The following NBEA variants were observed in gnomAD, a reference collection of about 807,000 sequenced individuals.
The protein encoded by NBEA is neurobeachin, also known as lysosomal-trafficking regulator 2.
In NBEA, 44 loss-of-function variants were observed where a neutral mutation model predicts 343.4. The observed-to-expected ratio is 0.13, with a 90% CI of 0.10 to 0.16. NBEA has a LOEUF of 0.16. NBEA is among the 10% of genes least tolerant of loss of function. The probability of loss-of-function intolerance (pLI) is 1.00; values close to 1 mark genes in which losing one functional copy is unlikely to be tolerated. For synonymous variants in NBEA, 1,175 were observed against 1,238.7 expected (o/e 0.95, Z 1.08); for missense variants, 2,555 against 3,631.3 (o/e 0.70, Z 7.62).
In NBEA at chr13:35,445,213, G is replaced by A. The variant is rs376875032; in HGVS notation, c.6305-6879G>A. The stretch of plus-strand genomic sequence containing the variant: ...GCCAGCTTTTTTTCCCCCTCTTTAC[G>A]TAAATCTTATGCAACACTATTATAA... On this transcript the variant is annotated intron_variant, in intron 39 of 58. Transcript: ENST00000379939. 2.2e-4 allele frequency among the ~76,000 whole-genome samples: 34 copies of A among 151,918 alleles called. No individual in the cohort carries two copies. The East Asian group carries it at 4.5e-3, about 20-fold the overall frequency.
At chr13:35,031,178 C>T (rs557080622) in intron 1 of NBEA, among the ~76,000 whole-genome samples, 3 of 151,706 alleles carry the variant, frequency 2.0e-5, no homozygotes, top group African/African-American at 7.2e-5. Flanking sequence ...AATAAGTGTC[C>T]GTATTGTTGA....
At chr13:35,105,161 A>G (rs1467454011) in intron 11 of NBEA, among the ~76,000 whole-genome samples, 1 of 152,152 alleles carries the variant, frequency 6.6e-6, no homozygotes, top group Admixed American at 6.6e-5. Flanking sequence ...AGAAAGGAGT[A>G]TAGTGTAAGT....
At chr13:35,149,826 T>A (rs2068661452) in intron 18 of NBEA, among the ~76,000 whole-genome samples, 1 of 152,202 alleles carries the variant, frequency 6.6e-6, no homozygotes, top group African/African-American at 2.4e-5. Flanking sequence ...GAAAAACCAT[T>A]GTGTAGTACT....
intron 1 of NBEA, among the ~76,000 whole-genome samples, chr13:35,022,858 G>T (rs2061894978): frequency 6.6e-6 from 1 of 152,108 alleles, no homozygotes; most frequent in African/African-American, 2.4e-5. Flanking sequence ...CTCAGCATGT[G>T]ATAAATGTTC....
intron 38 of NBEA, among the ~76,000 whole-genome samples, chr13:35,358,231 C>T (rs1341786216): frequency 6.8e-6 from 1 of 146,494 alleles, no homozygotes; most frequent in African/African-American, 2.5e-5. Context: ...ACCATGTTGG[C>T]CAGGCTGGTC....
In NBEA at chr13:35,558,116, T is replaced by A. The variant is rs563400455; in HGVS notation, c.6922+3014T>A. Among the ~76,000 whole-genome samples the A allele has an allele frequency of 2.0e-5, 3 of 152,318 alleles. No individual in the cohort carries two copies. In the South Asian group the frequency reaches 6.2e-4, roughly 32 times the overall value. On this transcript the variant is annotated intron_variant, in intron 44 of 58. Transcript: ENST00000379939. ...AGTGCTATAAGGGGAGTAGTAATAG[T>A]AAATTGTTACTGAATATTTACTATG...
At chr13:35,608,213 A>G (rs977174354) in intron 48 of NBEA, among the ~76,000 whole-genome samples, 1 of 151,952 alleles carries the variant, frequency 6.6e-6, no homozygotes. Context: ...AGAAAATTTC[A>G]TGTTTTGCAT....
intron 34 of NBEA, among the ~76,000 whole-genome samples, chr13:35,263,136 G>A (rs2033355626): frequency 6.6e-6 from 1 of 152,078 alleles, no homozygotes; most frequent in African/African-American, 2.4e-5. Context: ...ATAAACCAAT[G>A]GAATACAATC....
intron 1 of NBEA, among the ~76,000 whole-genome samples, chr13:34,978,153 C>G (rs192227602): frequency 6.6e-6 from 1 of 152,250 alleles, no homozygotes; most frequent in African/African-American, 2.4e-5. Flanking sequence ...TGGGCATATT[C>G]TAAGCAGTGC....
chr13:35,159,142 A>G lies in NBEA; in HGVS notation c.2971A>G (p.Thr991Ala), dbSNP rs1292608741. 4 of 1,613,526 alleles carry G rather than the reference A, an allele frequency of 2.5e-6. No homozygotes were observed. Among genetic ancestry groups the G allele is most frequent in the Non-Finnish European group, 3.4e-6 (4 of 1,179,580 alleles). Residue 991 changes from threonine (T) to alanine (A), a missense_variant, in exon 22 of 59, where the codon ACA becomes GCA. Thr to Ala is a moderately conservative substitution (Grantham distance 58). Transcript: ENST00000379939. Reference sequence around the variant, plus strand: ...CACCATCTCTGGTCTTTCATCACAGACAACAGGAGCAAAAGGTGGAATGGA... The same window carrying G: ...CACCATCTCTGGTCTTTCATCACAGGCAACAGGAGCAAAAGGTGGAATGGA... The part of the protein sequence containing the change: ...VSTISGLSSQ[T>A]TGAKGGMEIR...
At position 35,211,119 on chromosome 13, in the gene NBEA, A is replaced by G; in HGVS notation, c.5588A>G (p.Lys1863Arg). 6.4e-7 allele frequency: 1 copy of G among 1,552,722 alleles called. No homozygotes were observed. The highest frequency in any genetic ancestry group is 8.7e-7 in the Non-Finnish European group (1 of 1,147,196). The change falls in exon 33 of 59, where the codon AAA becomes AGA. Residue 1863 changes from lysine (K) to arginine (R), a missense_variant. Physicochemically the swap from Lys to Arg is conservative, Grantham distance 26. Coordinates refer to ENST00000379939, the MANE Select transcript of NBEA (RefSeq NM_001385012.1). Reference sequence around the variant, plus strand: ...AGTTTTGTGAATGGTGCTACTAGCAAAAACCTTCCAGCTGTACAAACTGTT... The same window carrying G: ...AGTTTTGTGAATGGTGCTACTAGCAGAAACCTTCCAGCTGTACAAACTGTT... The part of the protein sequence containing the change: ...SSSFVNGATS[K>R]NLPAVQTVAP...
chr13:35,413,123 T>C (rs2043690932), intron 38 of NBEA, among the ~76,000 whole-genome samples: 1 of 152,004 alleles, frequency 6.6e-6, no homozygotes, highest in Non-Finnish European at 1.5e-5. Flanking sequence ...AATGTCTCAC[T>C]TCTGCTCACA....
chr13:35,348,816 T>C (rs1015393960), intron 36 of NBEA, among the ~76,000 whole-genome samples: 7 of 151,980 alleles, frequency 4.6e-5, no homozygotes, highest in Non-Finnish European at 1.0e-4. Flanking sequence ...TGCATAACCA[T>C]TTGAAAACAC....
At chr13:35,491,483 T>C (rs1447017239) in intron 41 of NBEA, among the ~76,000 whole-genome samples, 2 of 151,910 alleles carry the variant, frequency 1.3e-5, no homozygotes, top group Non-Finnish European at 2.9e-5. Context: ...CATCTGTACC[T>C]CAGTAAACTG....
intron 35 of NBEA, among the ~76,000 whole-genome samples, chr13:35,292,431 G>A (rs1408742175): frequency 6.6e-6 from 1 of 151,960 alleles, no homozygotes; most frequent in African/African-American, 2.4e-5. Context: ...GAGATTGCTT[G>A]GCATAGCTCT....
intron 48 of NBEA, among the ~76,000 whole-genome samples, chr13:35,615,382 T>C (rs1183777145): frequency 6.6e-6 from 1 of 152,000 alleles, no homozygotes; most frequent in Non-Finnish European, 1.5e-5. Context: ...CTTACTCTGT[T>C]GCCCTGGCTG....
At chr13:35,389,396 T>C (rs1350668648) in intron 38 of NBEA, among the ~76,000 whole-genome samples, 16 of 152,182 alleles carry the variant, frequency 1.1e-4, no homozygotes, top group Non-Finnish European at 2.9e-5. Flanking sequence ...TAAGGAAATA[T>C]TACATGTCTA....
In NBEA at chr13:35,484,270, GTGTGTATA is replaced by G. The variant is rs1237534672; in HGVS notation, c.6585+11736_6585+11743del. Among the ~76,000 whole-genome samples the G allele has an allele frequency of 1.2e-3, 150 of 121,990 alleles. 1 individual carries two copies. Among genetic ancestry groups the G allele is most frequent in the Middle Eastern group, 4.2e-3 (1 of 238 alleles). 80.0% of individuals were successfully genotyped at this position (121,990 alleles called of 152,430 possible). ...TGTGTGTGTGTGTGTGTGTGTGTGT[GTGTGTATA>G]TATATATATATATATGTAGACCCTC... On this transcript the variant is annotated intron_variant, in intron 41 of 58. Coordinates refer to ENST00000379939, the MANE Select transcript of NBEA (RefSeq NM_001385012.1).
intron 17 of NBEA, among the ~76,000 whole-genome samples, chr13:35,140,892 A>C (rs910730741): frequency 5.9e-5 from 9 of 152,176 alleles, no homozygotes; most frequent in Non-Finnish European, 1.5e-5. Context: ...ATTATCTTAC[A>C]GTGATTTAGA....
Sources: gnomAD v4.1 joint callset for allele counts (sites outside exome capture counted in the v4.1 genomes callset) on GRCh38, gnomAD v4.1.1 for gene constraint, MANE v1.5 for transcripts, NCBI Gene and HGNC (gene_info 2026-07-23, HGNC 2026-07-21) for gene names.